STK32B: variants seen among roughly 807,000 people sequenced by gnomAD.
The protein encoded by STK32B is serine/threonine kinase 32B, also known as serine/threonine-protein kinase 32B.
A neutral mutation model predicts 52.6 loss-of-function variants in STK32B; 43 were observed. That is an observed-to-expected ratio of 0.82 (90% CI 0.64 to 1.05). The LOEUF is 1.05. Ranked by LOEUF, STK32B falls within the 50% of genes least tolerant of loss-of-function variation. The pLI, the probability that STK32B is intolerant of heterozygous loss-of-function variation, is 0.00. For synonymous variants in STK32B, 238 were observed against 204.3 expected, an observed-to-expected ratio of 1.17 and a Z score of -1.41; for missense variants, 621 against 534.6, an observed-to-expected ratio of 1.16 and a Z score of -1.59.
chr4:5,211,350 A>G (rs1722891717), intron 3 of STK32B, among the ~76,000 whole-genome samples: 2 of 152,148 alleles, frequency 1.3e-5, no homozygotes, highest in African/African-American at 4.8e-5. Context: ...ATTCTGGGAG[A>G]GAGAAATAGG....
intron 3 of STK32B, among the ~76,000 whole-genome samples, chr4:5,302,346 ATATTAT>A (rs1307535072): frequency 2.6e-5 from 4 of 151,984 alleles, no homozygotes; most frequent in Admixed American, 1.3e-4. Context: ...ACATATTAAC[ATATTAT>A]TATTATTAGT....
intron 1 of STK32B, among the ~76,000 whole-genome samples, chr4:5,087,079 C>T (rs560692400): frequency 6.6e-6 from 1 of 152,084 alleles, no homozygotes; most frequent in South Asian, 2.1e-4. Context: ...CTTTTTATTC[C>T]ATGTGTTTTA....
At chr4:5,275,259 C>G (rs1485927518) in intron 3 of STK32B, among the ~76,000 whole-genome samples, 1 of 152,158 alleles carries the variant, frequency 6.6e-6, no homozygotes, top group African/African-American at 2.4e-5. Flanking sequence ...TACATCCTGT[C>G]TGGCCTTTTT....
chr4:5,103,183 G>A (rs1713918984), intron 1 of STK32B, among the ~76,000 whole-genome samples: 1 of 151,790 alleles, frequency 6.6e-6, no homozygotes, highest in Non-Finnish European at 1.5e-5. Context: ...TTTAAAGAAT[G>A]AAATGTGTCA....
At chr4:5,232,816 C>T (rs901373376) in intron 3 of STK32B, among the ~76,000 whole-genome samples, 1 of 152,128 alleles carries the variant, frequency 6.6e-6, no homozygotes, top group African/African-American at 2.4e-5. Flanking sequence ...TGCCCCACAC[C>T]AATAGGTTCT....
chr4:5,038,830 A>G, the STK32B span, among the ~76,000 whole-genome samples: 1 of 152,174 alleles, frequency 6.6e-6, no homozygotes, highest in Non-Finnish European at 1.5e-5. Flanking sequence ...CTCAATTTAT[A>G]AAAACATATT....
chr4:5,305,195 G>C (rs1385998881), intron 3 of STK32B, among the ~76,000 whole-genome samples: 2 of 151,976 alleles, frequency 1.3e-5, no homozygotes, highest in Non-Finnish European at 2.9e-5. Context: ...GGGTGATACT[G>C]GCTTCATAGA....
At chr4:5,263,661 A>G (rs1298181296) in intron 3 of STK32B, among the ~76,000 whole-genome samples, 1 of 152,190 alleles carries the variant, frequency 6.6e-6, no homozygotes, top group Non-Finnish European at 1.5e-5. Flanking sequence ...TTTACATATT[A>G]TGATACGCAG....
At chr4:5,121,714 G>A (rs1212558216) in intron 1 of STK32B, among the ~76,000 whole-genome samples, 1 of 152,136 alleles carries the variant, frequency 6.6e-6, no homozygotes, top group Non-Finnish European at 1.5e-5. Flanking sequence ...TGGAAACAAA[G>A]CCTCAGGTCC....
Position 5,347,102 on chromosome 4 carries a change from A to G in STK32B, c.434+15709A>G, listed in dbSNP as rs538293167. Among the ~76,000 whole-genome samples, 17 of 152,292 alleles carry G rather than the reference A, an allele frequency of 1.1e-4. 1 individual carries two copies. In the South Asian group the frequency reaches 3.5e-3, roughly 32 times the overall value. On this transcript the variant is annotated intron_variant, in intron 4 of 11. Coordinates refer to ENST00000282908, the MANE Select transcript of STK32B (RefSeq NM_018401.3). ...GGATTATGGGGATTACAATGTGAGG[A>G]CATGAGATTTGGGTGGGGACACAGA...
At chr4:5,186,410 C>T (rs993965991) in intron 3 of STK32B, among the ~76,000 whole-genome samples, 1 of 152,166 alleles carries the variant, frequency 6.6e-6, no homozygotes, top group African/African-American at 2.4e-5. Flanking sequence ...GGGCCCCTGA[C>T]ATGCCAAATG....
chr4:5,391,181 G>A (rs187277869), intron 4 of STK32B, among the ~76,000 whole-genome samples: 103 of 151,962 alleles, frequency 6.8e-4, no homozygotes, highest in Admixed American at 1.6e-3. Flanking sequence ...GGATGGTCTC[G>A]ATCTCCTTAA....
At chr4:5,338,034 A>C (rs1337878684) in intron 4 of STK32B, among the ~76,000 whole-genome samples, 1 of 152,190 alleles carries the variant, frequency 6.6e-6, no homozygotes, top group Non-Finnish European at 1.5e-5. Context: ...TTTAGAGATA[A>C]GGAGTTAGAT....
chr4:5,399,361 C>T lies in STK32B; in HGVS notation c.472+1117C>T, dbSNP rs1300046901. Reference sequence around the variant, plus strand: ...GTTCTATCTCAGAGCTCCTCTCGAACCTTCCATGAGCCAGCAGCATAGCTT... The same window carrying T: ...GTTCTATCTCAGAGCTCCTCTCGAATCTTCCATGAGCCAGCAGCATAGCTT... On this transcript the variant is annotated intron_variant, in intron 5 of 11. Transcript: ENST00000282908. The surrounding 1 kb of genome is among the most constrained non-coding windows in gnomAD (Gnocchi z 5.4). 1.3e-5 allele frequency among the ~76,000 whole-genome samples: 2 copies of T among 152,186 alleles called. No individual in the cohort carries two copies. The highest frequency in any genetic ancestry group is 4.1e-4 in the South Asian group (2 of 4,826).
chr4:5,029,494 G>A, the STK32B span, among the ~76,000 whole-genome samples: 12 of 152,154 alleles, frequency 7.9e-5, no homozygotes, highest in African/African-American at 2.7e-4. Context: ...GAAGTAGACA[G>A]TGGCCCCTGA....
chr4:5,395,557 T>C lies in STK32B; in HGVS notation c.435-2650T>C, dbSNP rs1236718424. On this transcript the variant is annotated intron_variant, in intron 4 of 11. Transcript: ENST00000282908. The surrounding 1 kb of genome is among the most constrained non-coding windows in gnomAD (Gnocchi z 4.4). ...CCTGCCACAACTTACAATCCTGCCA[T>C]TGATTCATGTGCCTTCTGGTGTGCC... 6.6e-6 allele frequency among the ~76,000 whole-genome samples: 1 copy of C among 152,208 alleles called. No homozygotes were observed. Among genetic ancestry groups the C allele is most frequent in the African/African-American group, 2.4e-5 (1 of 41,444 alleles).
the STK32B span, among the ~76,000 whole-genome samples, chr4:5,032,535 AC>A: frequency 1.3e-5 from 2 of 151,426 alleles, no homozygotes; most frequent in African/African-American, 2.4e-5. Flanking sequence ...AAACCCCTAA[AC>A]TGCATTTTCC....
chr4:5,390,506 G>C (rs541910034), intron 4 of STK32B, among the ~76,000 whole-genome samples: 5 of 152,114 alleles, frequency 3.3e-5, no homozygotes, highest in Admixed American at 3.3e-4. Context: ...CATATTTTCA[G>C]TAACCCTTTT....
chr4:5,181,490 A>G (rs1025270658), intron 3 of STK32B, among the ~76,000 whole-genome samples: 45 of 152,342 alleles, frequency 3.0e-4, no homozygotes, highest in Middle Eastern at 6.8e-3. Context: ...CTATGGTTTT[A>G]TGTATGGTAA....
Sources: allele counts gnomAD v4.1 joint callset (sites outside exome capture counted in the v4.1 genomes callset), GRCh38; gene constraint gnomAD v4.1.1; non-coding constraint Gnocchi (gnomAD v3.1); transcripts MANE v1.5; gene names NCBI Gene and HGNC (gene_info 2026-07-23, HGNC 2026-07-21).